Variants in CLEC16A observed in about 807,000 individuals in gnomAD.
CLEC16A encodes the protein C-type lectin domain containing 16A, also known as protein CLEC16A.
Under a neutral mutation model 109.5 loss-of-function variants are expected in CLEC16A, and 51 were observed. The observed-to-expected ratio is 0.47, with a 90% CI of 0.37 to 0.59. The LOEUF is 0.59. CLEC16A is among the 20% of genes least tolerant of loss of function. The pLI is 0.00. For missense variants in CLEC16A, 1,339 were observed against 1,394.0 expected, an observed-to-expected ratio of 0.96 and a Z score of 0.63; for synonymous variants, 673 against 564.2, an observed-to-expected ratio of 1.19 and a Z score of -2.73.
intron 19 of CLEC16A, among the ~76,000 whole-genome samples, chr16:11,089,049 G>T (rs189219564): frequency 6.6e-6 from 1 of 152,110 alleles, no homozygotes; most frequent in South Asian, 2.1e-4. Context: ...GTTCAGGGGA[G>T]GGGGAGGGTG....
intron 11 of CLEC16A, among the ~76,000 whole-genome samples, chr16:11,011,933 A>C (rs540251402): frequency 4.6e-5 from 7 of 152,174 alleles, no homozygotes; most frequent in African/African-American, 1.4e-4. Flanking sequence ...GCCCAATCTT[A>C]TAATGCACCT....
At chr16:11,023,798 C>T (rs778605233) in intron 12 of CLEC16A, among the ~76,000 whole-genome samples, 2 of 152,192 alleles carry the variant, frequency 1.3e-5, no homozygotes, top group Admixed American at 6.5e-5. Context: ...TAAATGTGCC[C>T]TTGGTCACTC....
chr16:11,111,185 G>A (rs1010373607), intron 19 of CLEC16A, among the ~76,000 whole-genome samples: 2 of 152,172 alleles, frequency 1.3e-5, no homozygotes, highest in African/African-American at 4.8e-5. Context: ...ATCTATTGCT[G>A]AGTAACCAAC....
At chr16:11,091,447 G>A (rs1031423091) in intron 19 of CLEC16A, among the ~76,000 whole-genome samples, 18 of 152,208 alleles carry the variant, frequency 1.2e-4, no homozygotes, top group African/African-American at 4.1e-4. Flanking sequence ...CTCGTAGGGC[G>A]GGTGGGGCTG....
chr16:11,022,838 G>A (rs1301401091), intron 12 of CLEC16A, among the ~76,000 whole-genome samples: 1 of 151,410 alleles, frequency 6.6e-6, no homozygotes, highest in African/African-American at 2.4e-5. Context: ...GGCAGAGCTT[G>A]CAGTGAGCCG....
chr16:11,087,592 A>G (rs2050079431), intron 19 of CLEC16A, among the ~76,000 whole-genome samples: 1 of 152,208 alleles, frequency 6.6e-6, no homozygotes, highest in African/African-American at 2.4e-5. Flanking sequence ...ATTCAAGTAA[A>G]AGTGGGATTC....
chr16:10,985,392 C>G (rs924065878), intron 10 of CLEC16A, among the ~76,000 whole-genome samples: 2 of 151,724 alleles, frequency 1.3e-5, no homozygotes, highest in African/African-American at 4.9e-5. Flanking sequence ...GTCAGAAGAT[C>G]TGGTCCCCAT....
At chr16:10,948,188 C>T (rs965530826) in intron 1 of CLEC16A, among the ~76,000 whole-genome samples, 17 of 152,306 alleles carry the variant, frequency 1.1e-4, no homozygotes, top group Non-Finnish European at 1.6e-4. Context: ...CCACTGCACC[C>T]GGCCTAGACT....
chr16:11,065,341 A>G (rs1225036889), intron 19 of CLEC16A, among the ~76,000 whole-genome samples: 1 of 152,232 alleles, frequency 6.6e-6, no homozygotes, highest in East Asian at 1.9e-4. Context: ...CAGCCTGTTC[A>G]TGTGGGCACC....
intron 10 of CLEC16A, among the ~76,000 whole-genome samples, chr16:10,997,171 G>C (rs1441559390): frequency 6.6e-6 from 1 of 152,036 alleles, no homozygotes; most frequent in Non-Finnish European, 1.5e-5. Context: ...CATGCTTCCT[G>C]TGCTCATCTT....
intron 19 of CLEC16A, among the ~76,000 whole-genome samples, chr16:11,062,643 T>G (rs987656432): frequency 6.6e-6 from 1 of 152,170 alleles, no homozygotes; most frequent in African/African-American, 2.4e-5. Flanking sequence ...TCTCAGTGAA[T>G]GAGTATTGTG....
At chr16:11,171,959 G>A (rs1355718157) in intron 23 of CLEC16A, among the ~76,000 whole-genome samples, 1 of 150,916 alleles carries the variant, frequency 6.6e-6, no homozygotes, top group African/African-American at 2.4e-5. Context: ...TGCATGCATA[G>A]TCACACTCCC....
chr16:10,977,423 G>A (rs201772336), intron 8 of CLEC16A, 24 bp downstream of exon 8: 106 of 1,601,348 alleles, frequency 6.6e-5, no homozygotes, highest in African/African-American at 9.4e-5. Context: ...CGTGGCTCCC[G>A]CTGGCTGAAG....
chr16:11,169,095 C>G (rs2068396176), intron 23 of CLEC16A, among the ~76,000 whole-genome samples: 1 of 152,174 alleles, frequency 6.6e-6, no homozygotes. Flanking sequence ...ACAGCTGCAG[C>G]CCCCTACAAG....
intron 19 of CLEC16A, among the ~76,000 whole-genome samples, chr16:11,094,664 G>T (rs78362165): frequency 4.2e-3 from 634 of 152,158 alleles, no homozygotes; most frequent in Non-Finnish European, 5.8e-3. Flanking sequence ...TTCCTGTGGG[G>T]CCCTGCATGC....
intron 3 of CLEC16A, among the ~76,000 whole-genome samples, chr16:10,965,362 T>G (rs3907722): frequency 0.044 from 6,750 of 152,314 alleles, 534 homozygotes; most frequent in African/African-American, 0.15. Flanking sequence ...ATGTCCTCAT[T>G]GTTAAATAAC....
chr16:11,063,161 AT>A (rs1366795445), intron 19 of CLEC16A, among the ~76,000 whole-genome samples: 1 of 152,014 alleles, frequency 6.6e-6, no homozygotes, highest in Non-Finnish European at 1.5e-5. Flanking sequence ...CTGATTGCAA[AT>A]TATGTCTTTT....
rs571961590 is a variant in CLEC16A, at chr16:11,027,751, G to A, written c.1537+2830G>A. The A allele has an allele frequency of 1.3e-4, 197 of 1,484,364 alleles. No individual in the cohort carries two copies. In the African/African-American group the frequency reaches 1.6e-3, roughly 12 times the overall value. The allele number at this position is 1,484,364 out of a possible 1,614,324, so 91.9% of individuals were successfully genotyped here. On this transcript the variant is annotated intron_variant, in intron 13 of 23. Coordinates refer to ENST00000409790, the MANE Select transcript of CLEC16A (RefSeq NM_015226.3). ...GGTGAACGCATCAATCAGCTCATCC[G>A]CCAGCTGAACTAGACCCAGGTGCCA...
At chr16:11,123,974 C>T (rs1166333330) in intron 21 of CLEC16A, 28 bp downstream of exon 21, 6 of 1,565,386 alleles carry the variant, frequency 3.8e-6, no homozygotes, top group African/African-American at 1.4e-5. Flanking sequence ...GGCAGGGCAT[C>T]CTCTGAGCAC....
Sources: allele counts gnomAD v4.1 joint callset (sites outside exome capture counted in the v4.1 genomes callset), GRCh38; gene constraint gnomAD v4.1.1; transcripts MANE v1.5; gene names NCBI Gene and HGNC (gene_info 2026-07-23, HGNC 2026-07-21).